Variants in IL1RAP observed in about 807,000 individuals in gnomAD.
IL1RAP encodes interleukin 1 receptor accessory protein, also known as interleukin-1 receptor accessory protein.
A neutral mutation model predicts 60.7 loss-of-function variants in IL1RAP; 35 were observed. That is an observed-to-expected ratio of 0.58 (90% CI 0.44 to 0.76). IL1RAP has a LOEUF of 0.76. IL1RAP is among the 30% of genes least tolerant of loss of function. The probability of loss-of-function intolerance (pLI) is 0.00; values close to 1 mark genes in which losing one functional copy is unlikely to be tolerated. For synonymous variants in IL1RAP, 268 were observed against 250.9 expected (o/e 1.07, Z -0.64); for missense variants, 572 against 693.9 (o/e 0.82, Z 1.97).
intron 3 of IL1RAP, among the ~76,000 whole-genome samples, chr3:190,600,890 A>G (rs1192819283): frequency 1.3e-5 from 2 of 152,150 alleles, no homozygotes; most frequent in East Asian, 3.8e-4. Flanking sequence ...AGGTGTGTTA[A>G]GTCTGTTACC....
At chr3:190,519,763 T>A (rs1355000673) in intron 1 of IL1RAP, among the ~76,000 whole-genome samples, 4 of 152,188 alleles carry the variant, frequency 2.6e-5, no homozygotes, top group Admixed American at 6.5e-5. Context: ...TATTATTATT[T>A]TTTTTACTGT....
At chr3:190,587,244 A>G (rs1406162193) in intron 3 of IL1RAP, among the ~76,000 whole-genome samples, 2 of 152,162 alleles carry the variant, frequency 1.3e-5, no homozygotes, top group Non-Finnish European at 2.9e-5. Context: ...CTGCGTTAGA[A>G]TCCCCGTCTC....
In IL1RAP at chr3:190,629,298, A is replaced by G. The variant is rs1387828525; in HGVS notation, c.903-52A>G. ...TACTTGTCTGATTCCTACACAGTCC[A>G]TAGCTCTTGAGTCACTCTCAAATGC... is the stretch of plus-strand genomic sequence containing the variant. On this transcript the variant is annotated intron_variant, in intron 8 of 11. Coordinates refer to ENST00000447382, the MANE Select transcript of IL1RAP (RefSeq NM_002182.4). 1.3e-5 allele frequency: 17 copies of G among 1,351,272 alleles called. No homozygotes were observed. The Admixed American group carries it at 2.6e-4, about 20-fold the overall frequency. The allele number at this position is 1,351,272 out of a possible 1,614,324, so 83.7% of individuals were successfully genotyped here.
At chr3:190,595,660 C>T (rs924016058) in intron 3 of IL1RAP, among the ~76,000 whole-genome samples, 44 of 152,320 alleles carry the variant, frequency 2.9e-4, no homozygotes, top group Middle Eastern at 3.4e-3. Flanking sequence ...GGGACAGTTT[C>T]TAAGTGGCCT....
intron 1 of IL1RAP, among the ~76,000 whole-genome samples, chr3:190,554,099 G>C (rs1176493947): frequency 6.8e-6 from 1 of 146,616 alleles, no homozygotes; most frequent in Non-Finnish European, 1.5e-5. Context: ...GAAATGAGAG[G>C]GAAAGAGATT....
At chr3:190,598,238 T>C (rs917823809) in intron 3 of IL1RAP, among the ~76,000 whole-genome samples, 2 of 152,212 alleles carry the variant, frequency 1.3e-5, no homozygotes, top group Non-Finnish European at 2.9e-5. Flanking sequence ...GAAATACCAA[T>C]GGCAGTGACA....
intron 2 of IL1RAP, among the ~76,000 whole-genome samples, chr3:190,562,092 A>G (rs1177548085): frequency 6.6e-6 from 1 of 152,094 alleles, no homozygotes; most frequent in East Asian, 1.9e-4. Context: ...TCTTTTTCTA[A>G]AACCTTGTGC....
intron 9 of IL1RAP, among the ~76,000 whole-genome samples, chr3:190,640,454 G>A (rs1213298037): frequency 1.3e-5 from 2 of 152,110 alleles, no homozygotes; most frequent in South Asian, 2.1e-4. Flanking sequence ...TTAGTCATAG[G>A]TCTCTGATTT....
At chr3:190,542,937 CA>C (rs200862692) in intron 1 of IL1RAP, among the ~76,000 whole-genome samples, 5 of 132,914 alleles carry the variant, frequency 3.8e-5, no homozygotes, top group South Asian at 2.4e-4. Flanking sequence ...TCACCCTAGC[CA>C]AAAAAAAATG....
At chr3:190,638,572 T>A (rs935327593) in intron 9 of IL1RAP, among the ~76,000 whole-genome samples, 1 of 152,200 alleles carries the variant, frequency 6.6e-6, no homozygotes, top group East Asian at 1.9e-4. Context: ...AATTTGTTTT[T>A]TCGTGAAGTG....
chr3:190,642,654 A>G (rs1045253566), intron 9 of IL1RAP, among the ~76,000 whole-genome samples: 5 of 152,102 alleles, frequency 3.3e-5, no homozygotes, highest in African/African-American at 1.2e-4. Context: ...AATCACCTCT[A>G]TCACATTACC....
intron 3 of IL1RAP, among the ~76,000 whole-genome samples, chr3:190,576,389 C>T (rs376574321): frequency 0.071 from 10,799 of 152,020 alleles, 441 homozygotes; most frequent in Middle Eastern, 0.088. Flanking sequence ...TATATACACA[C>T]ACACACACGC....
chr3:190,630,719 A>G (rs1161220474), intron 9 of IL1RAP, among the ~76,000 whole-genome samples: 3 of 152,188 alleles, frequency 2.0e-5, no homozygotes, highest in Admixed American at 6.5e-5. Context: ...TCCCAAATTG[A>G]GTTCTCGGGA....
intron 2 of IL1RAP, among the ~76,000 whole-genome samples, chr3:190,562,589 A>G (rs1455408139): frequency 1.3e-5 from 2 of 152,110 alleles, no homozygotes; most frequent in East Asian, 1.9e-4. Context: ...TAGCTGTATC[A>G]TAGCAACTTG....
chr3:190,518,724 T>A (rs1721750185), intron 1 of IL1RAP: 2 of 152,386 alleles, frequency 1.3e-5, no homozygotes, highest in Admixed American at 6.5e-5. Context: ...AAAAGAGAAC[T>A]TGTGCAGAGA....
intron 2 of IL1RAP, among the ~76,000 whole-genome samples, chr3:190,562,903 A>G (rs1726035883): frequency 6.6e-6 from 1 of 152,166 alleles, no homozygotes; most frequent in South Asian, 2.1e-4. Flanking sequence ...AGAAAACATC[A>G]TTTAATTTAT....
At chr3:190,555,488 A>G (rs1399558707) in intron 1 of IL1RAP, among the ~76,000 whole-genome samples, 1 of 152,122 alleles carries the variant, frequency 6.6e-6, no homozygotes, top group East Asian at 1.9e-4. Context: ...AATCCCAAAC[A>G]TGTTTTTATA....
chr3:190,597,289 A>G (rs1019285290), intron 3 of IL1RAP, among the ~76,000 whole-genome samples: 3 of 152,212 alleles, frequency 2.0e-5, no homozygotes, highest in African/African-American at 7.2e-5. Context: ...GTCTTGATTT[A>G]TTAACTTATG....
chr3:190,591,906 C>G (rs867778773), intron 3 of IL1RAP, among the ~76,000 whole-genome samples: 20 of 152,000 alleles, frequency 1.3e-4, no homozygotes, highest in African/African-American at 3.4e-4. Flanking sequence ...TCACAACAGC[C>G]CTGCAAAAAA....
Sources: allele counts gnomAD v4.1 joint callset (sites outside exome capture counted in the v4.1 genomes callset), GRCh38; gene constraint gnomAD v4.1.1; transcripts MANE v1.5; gene names NCBI Gene and HGNC (gene_info 2026-07-23, HGNC 2026-07-21).